AKAP13: variants seen among roughly 807,000 people sequenced by gnomAD.
AKAP13 encodes A-kinase anchoring protein 13, also known as A-kinase anchor protein 13.
A neutral mutation model predicts 264.5 loss-of-function variants in AKAP13; 80 were observed. That is an observed-to-expected ratio of 0.30 (90% CI 0.25 to 0.36). The LOEUF (loss-of-function observed/expected upper bound fraction) is 0.36, where lower values mean the gene tolerates loss of function less well. AKAP13 is among the 10% of genes least tolerant of loss of function. The probability of loss-of-function intolerance (pLI) is 1.00; values close to 1 mark genes in which losing one functional copy is unlikely to be tolerated. For missense variants in AKAP13, 3,712 were observed against 3,435.2 expected, an observed-to-expected ratio of 1.08 and a Z score of -2.01; for synonymous variants, 1,380 against 1,250.2, an observed-to-expected ratio of 1.10 and a Z score of -2.19.
intron 16 of AKAP13, 168 bp from the exon 17 acceptor site, chr15:85,693,109 G>A (rs1252750266): frequency 3.0e-5 from 36 of 1,211,762 alleles, no homozygotes; most frequent in East Asian, 5.9e-5. Flanking sequence ...GCGTGCCAAC[G>A]CCTTAATTTA....
intron 1 of AKAP13, 150 bp from the exon 2 acceptor site, chr15:85,485,560 T>C: frequency 1.9e-6 from 1 of 529,816 alleles, no homozygotes; most frequent in Non-Finnish European, 3.4e-6. Flanking sequence ...CCTAAATCTC[T>C]TAGTGTATAG....
chr15:85,727,151 T>C lies in AKAP13; in HGVS notation c.6908T>C (p.Met2303Thr). The change falls in exon 28 of 37, where the codon ATG (methionine) becomes ACG (threonine). Residue 2303 changes from methionine to threonine, a missense_variant. Physicochemically the swap from Met to Thr is moderately conservative, Grantham distance 81. Coordinates refer to ENST00000394518, the MANE Select transcript of AKAP13 (RefSeq NM_007200.5). The surrounding 1 kb of genome is among the most constrained non-coding windows in gnomAD (Gnocchi z 5.3). The stretch of plus-strand genomic sequence containing the variant: ...GAGAAAGGTTTATTCCTGATCAGCA[T>C]GGGGATGACAGATCCAGAGATGGTA... ...HEEKGLFLIS[M>T]GMTDPEMVEV... is the part of the protein sequence containing the mutation. The C allele has an allele frequency of 6.2e-7, 1 of 1,614,226 alleles. No homozygotes were observed. Among genetic ancestry groups the C allele is most frequent in the Non-Finnish European group, 8.5e-7 (1 of 1,180,032 alleles).
At chr15:85,583,512 A>AT (rs1368938834) in intron 7 of AKAP13, among the ~76,000 whole-genome samples, 1 of 152,192 alleles carries the variant, frequency 6.6e-6, no homozygotes, top group Non-Finnish European at 1.5e-5. Context: ...GAGGTCTCTA[A>AT]TTTTTAAAAA....
rs2151720400 is a variant in AKAP13 at position 85,718,865 on chromosome 15, C to T, written c.6002-211C>T. The T allele has an allele frequency of 1.7e-6, 1 of 571,548 alleles. No individual in the cohort carries two copies. The highest frequency in any genetic ancestry group is 2.1e-5 in the South Asian group (1 of 48,650). The allele number at this position is 571,548 out of a possible 1,614,324, so 35.4% of individuals were successfully genotyped here. On this transcript the variant is annotated intron_variant, in intron 22 of 36. Transcript: ENST00000394518. The surrounding 1 kb of genome is among the most constrained non-coding windows in gnomAD (Gnocchi z 4.9). ...CAATGAGCCATGACTTCAGCCTGCA[C>T]TTCAGCCTGGGTGACAGAGCCAGAA... is the stretch of plus-strand genomic sequence containing the variant.
intron 1 of AKAP13, among the ~76,000 whole-genome samples, chr15:85,474,977 G>C (rs1422965817): frequency 6.6e-6 from 1 of 152,132 alleles, no homozygotes; most frequent in African/African-American, 2.4e-5. Context: ...AACAGGTCTC[G>C]CATTTGTCCA....
chr15:85,696,074 T>C (rs914225546), intron 17 of AKAP13, among the ~76,000 whole-genome samples: 31 of 152,354 alleles, frequency 2.0e-4, no homozygotes, highest in African/African-American at 7.5e-4. Flanking sequence ...ATACAAGTCC[T>C]ACTGTGCCAT....
chr15:85,664,174 T>C (rs2083479978), intron 12 of AKAP13, among the ~76,000 whole-genome samples: 1 of 152,262 alleles, frequency 6.6e-6, no homozygotes, highest in African/African-American at 2.4e-5. Context: ...TCGTATTTTC[T>C]CTGTGACATT....
chr15:85,524,137 T>C (rs2076933987), intron 3 of AKAP13, among the ~76,000 whole-genome samples: 2 of 151,966 alleles, frequency 1.3e-5, no homozygotes, highest in African/African-American at 4.8e-5. Flanking sequence ...TTCTAGTCAT[T>C]TTGGCTAAGA....
chr15:85,677,323 A>G (rs1158559899), intron 14 of AKAP13, among the ~76,000 whole-genome samples: 2 of 152,196 alleles, frequency 1.3e-5, no homozygotes, highest in African/African-American at 2.4e-5. Flanking sequence ...TCCTGATTCC[A>G]GGGCACAAGA....
chr15:85,579,853 C>G lies in AKAP13; in HGVS notation c.1785C>G (p.Asp595Glu). The G allele has an allele frequency of 6.2e-7, 1 of 1,614,194 alleles. No individual in the cohort carries two copies. Among genetic ancestry groups the G allele is most frequent in the East Asian group, 2.2e-5 (1 of 44,884 alleles). The change falls in exon 7 of 37, where the codon GAC (aspartate) becomes GAG (glutamate). Residue 595 changes from aspartate (D) to glutamate (E), a missense_variant. Physicochemically the swap from Asp to Glu is conservative, Grantham distance 45 (BLOSUM62 2). Around this residue, in one of 3 missense-constraint regions of AKAP13, gnomAD observed 2,759 missense variants for 2,411.7 expected, o/e 1.14. Transcript: ENST00000394518. ...TGGTGATTCCAGCTGCTGCAAAAGA[C>G]AAGATTTCAGATGGATTAGAACCTT... ...NSVVIPAAAK[D>E]KISDGLEPYT...
rs191685815 is a variant in AKAP13 at position 85,660,700 on chromosome 15, C to A, written c.4799+2110C>A. Among the ~76,000 whole-genome samples, 171 of 152,308 alleles carry A rather than the reference C, an allele frequency of 1.1e-3. 1 individual carries two copies. The highest frequency in any genetic ancestry group is 3.8e-3 in the African/African-American group (157 of 41,570). On this transcript the variant is annotated intron_variant, in intron 12 of 36. Coordinates refer to ENST00000394518, the MANE Select transcript of AKAP13 (RefSeq NM_007200.5). ...TTGTAAAATATATATCTTCTCCTCA[C>A]ACAAGTAAATTATGTCAGTGTCATC...
chr15:85,643,804 T>A (rs1178745093), intron 9 of AKAP13, among the ~76,000 whole-genome samples: 1 of 152,154 alleles, frequency 6.6e-6, no homozygotes, highest in African/African-American at 2.4e-5. Context: ...TTCTTCAAGC[T>A]CCTCGGCAAG....
rs2084172526 is a variant in AKAP13 at position 85,675,440 on chromosome 15, A to C, written c.5101+5610A>C. Among the ~76,000 whole-genome samples, 3 of 152,150 alleles carry C rather than the reference A, an allele frequency of 2.0e-5. No individual in the cohort carries two copies. In the South Asian group the frequency reaches 6.2e-4, roughly 31 times the overall value. On this transcript the variant is annotated intron_variant, in intron 14 of 36. Transcript: ENST00000394518. ...AGGTAGGTACAGGGCTTTTTCTCTC[A>C]TTTCATTTAGGACATTGAGATTCCA...
intron 1 of AKAP13, among the ~76,000 whole-genome samples, chr15:85,400,119 G>A (rs1216184318): frequency 1.3e-5 from 2 of 152,172 alleles, no homozygotes; most frequent in Non-Finnish European, 2.9e-5. Context: ...TTAGTTCTGG[G>A]CCAGGCTCAG....
chr15:85,677,068 T>G lies in AKAP13; in HGVS notation c.5102-5090T>G. 6 of 985,444 alleles carry G rather than the reference T, an allele frequency of 6.1e-6. No homozygotes were observed. In the South Asian group the frequency reaches 2.8e-4, roughly 46 times the overall value. 61.0% of individuals were successfully genotyped at this position (985,444 alleles called of 1,614,324 possible). On this transcript the variant is annotated intron_variant, in intron 14 of 36. Transcript: ENST00000394518. ...AACTCTCTTTTCTCTTGGCTCTTCT[T>G]ATTCGAGTGATGAGGAGGAGGAGTT... is the stretch of plus-strand genomic sequence containing the variant.
chr15:85,500,491 C>T (rs1340836360), intron 2 of AKAP13, among the ~76,000 whole-genome samples: 1 of 152,190 alleles, frequency 6.6e-6, no homozygotes, highest in Non-Finnish European at 1.5e-5. Flanking sequence ...TTCGTGAAGT[C>T]AGCCCACTGA....
intron 5 of AKAP13, among the ~76,000 whole-genome samples, chr15:85,572,033 G>A (rs1459849279): frequency 6.6e-6 from 1 of 152,196 alleles, no homozygotes; most frequent in African/African-American, 2.4e-5. Flanking sequence ...TGTGGTTAGA[G>A]AAAGGGATTT....
rs10598092 is a variant in AKAP13, at chr15:85,562,691, C to CTTTTTTTT, written c.663-12426_663-12419dup. 3.7e-3 allele frequency among the ~76,000 whole-genome samples: 369 copies of CTTTTTTTT among 100,484 alleles called. 5 individuals carry two copies. The highest frequency in any genetic ancestry group is 9.7e-3 in the East Asian group (37 of 3,806). 65.9% of individuals were successfully genotyped at this position (100,484 alleles called of 152,430 possible). On this transcript the variant is annotated intron_variant, in intron 5 of 36. Transcript: ENST00000394518. ...CCTTTTCTTTCTTTTCTTTTCTTTT[C>CTTTTTTTT]TTTTTTTTTTTTTTTTTTTTTGAGA...
At chr15:85,429,707 AG>A (rs1421074975) in intron 1 of AKAP13, among the ~76,000 whole-genome samples, 1 of 152,184 alleles carries the variant, frequency 6.6e-6, no homozygotes, top group Non-Finnish European at 1.5e-5. Flanking sequence ...TAGTTATAAC[AG>A]GGAGGCTATT....
Sources: gnomAD v4.1 joint callset for allele counts (sites outside exome capture counted in the v4.1 genomes callset) on GRCh38, gnomAD v4.1.1 for gene constraint, gnomAD v4.1.1 regional missense constraint, Gnocchi (gnomAD v3.1) non-coding constraint, MANE v1.5 for transcripts, NCBI Gene and HGNC (gene_info 2026-07-23, HGNC 2026-07-21) for gene names.